Variants in SCAPER observed in about 807,000 individuals in gnomAD.
The protein encoded by SCAPER is S-phase cyclin A associated protein in the ER.
Under a neutral mutation model 182.2 loss-of-function variants are expected in SCAPER, and 98 were observed. The ratio of observed to expected loss-of-function variants is 0.54; its 90% CI spans 0.46 to 0.64. The LOEUF (loss-of-function observed/expected upper bound fraction) is 0.64, where lower values mean the gene tolerates loss of function less well. Among genes scored for constraint, SCAPER ranks in the 30% least tolerant of loss-of-function variants. SCAPER has a pLI of 0.00. For missense variants in SCAPER, 1,432 were observed against 1,690.0 expected, an observed-to-expected ratio of 0.85 and a Z score of 2.68; for synonymous variants, 605 against 564.6, an observed-to-expected ratio of 1.07 and a Z score of -1.01.
chr15:76,679,539 G>A (rs1047636997), intron 20 of SCAPER, among the ~76,000 whole-genome samples: 8 of 152,152 alleles, frequency 5.3e-5, no homozygotes, highest in Non-Finnish European at 1.2e-4. Flanking sequence ...ATTCAACTCT[G>A]CTAAGGTCCC....
chr15:76,596,536 C>T lies in SCAPER; in HGVS notation c.2712-22252G>A, dbSNP rs1397676413. On this transcript the variant is annotated intron_variant, in intron 22 of 31. Transcript: ENST00000563290. The stretch of plus-strand genomic sequence containing the variant: ...AAAAAGAAAATTTCAGGCCAATATC[C>T]CTGTTGAACACCGATGTGAAAATCC... 2.5e-5 allele frequency among the ~76,000 whole-genome samples: 3 copies of T among 120,562 alleles called. 1 individual carries two copies. Among genetic ancestry groups the T allele is most frequent in the African/African-American group, 7.6e-5 (3 of 39,602 alleles). 79.1% of individuals were successfully genotyped at this position (120,562 alleles called of 152,430 possible).
At chr15:76,634,897 G>GT (rs991553861) in intron 21 of SCAPER, among the ~76,000 whole-genome samples, 1 of 151,880 alleles carries the variant, frequency 6.6e-6, no homozygotes, top group African/African-American at 2.4e-5. Flanking sequence ...TGTAAGTACA[G>GT]TAAGTCCTCA....
intron 24 of SCAPER, among the ~76,000 whole-genome samples, chr15:76,474,814 A>G (rs920174264): frequency 6.6e-6 from 1 of 152,230 alleles, no homozygotes; most frequent in Admixed American, 6.5e-5. Context: ...CCAGGTTAGT[A>G]AAGCACAGTG....
intron 14 of SCAPER, among the ~76,000 whole-genome samples, chr15:76,754,847 T>C (rs2062317296): frequency 6.6e-6 from 1 of 152,112 alleles, no homozygotes; most frequent in Non-Finnish European, 1.5e-5. Flanking sequence ...ACACTTAGCC[T>C]CTCCTAGATT....
At chr15:76,455,681 C>CT (rs1225402455) in intron 25 of SCAPER, among the ~76,000 whole-genome samples, 3 of 151,992 alleles carry the variant, frequency 2.0e-5, no homozygotes, top group Admixed American at 1.3e-4. Flanking sequence ...TTTTATTTTA[C>CT]TTTAAGTTCT....
At chr15:76,778,213 C>T (rs1023693175) in intron 8 of SCAPER, among the ~76,000 whole-genome samples, 2 of 152,030 alleles carry the variant, frequency 1.3e-5, no homozygotes, top group African/African-American at 4.8e-5. Flanking sequence ...GTATCACCAA[C>T]TGAAGTAGTG....
At chr15:76,713,152 GA>G (rs1355212733) in intron 17 of SCAPER, among the ~76,000 whole-genome samples, 2 of 152,260 alleles carry the variant, frequency 1.3e-5, no homozygotes, top group Non-Finnish European at 2.9e-5. Flanking sequence ...AGGATGTGGA[GA>G]AATAGGAACA....
chr15:76,893,356 G>C (rs1244685630), intron 1 of SCAPER, among the ~76,000 whole-genome samples: 1 of 152,060 alleles, frequency 6.6e-6, no homozygotes, highest in Non-Finnish European at 1.5e-5. Flanking sequence ...TAATGATAAA[G>C]GGGTAATTCA....
At chr15:76,883,042 C>T (rs1340893949) in intron 2 of SCAPER, among the ~76,000 whole-genome samples, 1 of 152,152 alleles carries the variant, frequency 6.6e-6, no homozygotes, top group Admixed American at 6.5e-5. Flanking sequence ...TCAAAAATAC[C>T]AAAATCCAAA....
intron 5 of SCAPER, among the ~76,000 whole-genome samples, chr15:76,834,457 G>A (rs1001438788): frequency 4.6e-5 from 7 of 151,776 alleles, no homozygotes; most frequent in African/African-American, 1.5e-4. Flanking sequence ...AAAAACACAC[G>A]GGCAAACCAA....
At chr15:76,464,532 C>T (rs893056060) in intron 25 of SCAPER, among the ~76,000 whole-genome samples, 3 of 151,846 alleles carry the variant, frequency 2.0e-5, no homozygotes, top group Non-Finnish European at 1.5e-5. Flanking sequence ...ATGGAGACTG[C>T]ATTTTTGATC....
chr15:76,367,397 T>C (rs2041882999), intron 29 of SCAPER, among the ~76,000 whole-genome samples: 1 of 152,226 alleles, frequency 6.6e-6, no homozygotes, highest in Non-Finnish European at 1.5e-5. Flanking sequence ...ACCCCCTCCA[T>C]GGCTGAAGAC....
intron 5 of SCAPER, among the ~76,000 whole-genome samples, chr15:76,813,230 A>T (rs2066783787): frequency 1.4e-5 from 1 of 72,612 alleles, no homozygotes; most frequent in African/African-American, 3.7e-5. Context: ...CTTTCACTAA[A>T]AAAAAAAAAA....
chr15:76,542,531 AAAAT>A (rs949270227), intron 23 of SCAPER, among the ~76,000 whole-genome samples: 6 of 150,954 alleles, frequency 4.0e-5, no homozygotes, highest in South Asian at 2.1e-4. Flanking sequence ...CTCCATCTCA[AAAAT>A]AAATAAATAA....
At chr15:76,767,978 T>C (rs1463087608) in intron 10 of SCAPER, among the ~76,000 whole-genome samples, 1 of 152,002 alleles carries the variant, frequency 6.6e-6, no homozygotes, top group African/African-American at 2.4e-5. Context: ...GAAGACCAAT[T>C]TATAATAATA....
chr15:76,831,577 T>C (rs1345424464), intron 5 of SCAPER, among the ~76,000 whole-genome samples: 1 of 148,448 alleles, frequency 6.7e-6, no homozygotes, highest in East Asian at 2.1e-4. Context: ...TACTCACCTA[T>C]GGCATCCCCC....
chr15:76,737,670 T>G (rs1474952705), intron 15 of SCAPER, among the ~76,000 whole-genome samples: 1 of 152,260 alleles, frequency 6.6e-6, no homozygotes, highest in Non-Finnish European at 1.5e-5. Flanking sequence ...GATGGCATCT[T>G]CTTCCAAGAG....
Position 76,901,062 on chromosome 15 carries a change from T to C in SCAPER, c.-60+4237A>G, listed in dbSNP as rs181921834. Among the ~76,000 whole-genome samples, 232 of 152,250 alleles carry C rather than the reference T, an allele frequency of 1.5e-3. 1 individual carries two copies. The highest frequency in any genetic ancestry group is 2.5e-3 in the Non-Finnish European group (172 of 68,008). ...TGCTAATTGAAAAATATGTGTATTA[T>C]GGTAAAAATGAGTAGTTTGTAGCCA... On this transcript the variant is annotated intron_variant, in intron 1 of 31. Transcript: ENST00000563290.
intron 8 of SCAPER, among the ~76,000 whole-genome samples, chr15:76,786,669 A>C (rs1440860255): frequency 3.3e-5 from 5 of 152,138 alleles, no homozygotes; most frequent in Non-Finnish European, 7.4e-5. Flanking sequence ...AAACAAAACA[A>C]AACAAAATCA....
Sources: allele counts gnomAD v4.1 joint callset (sites outside exome capture counted in the v4.1 genomes callset), GRCh38; gene constraint gnomAD v4.1.1; transcripts MANE v1.5; gene names NCBI Gene and HGNC (gene_info 2026-07-23, HGNC 2026-07-21).